ABCC5: variants seen among roughly 807,000 people sequenced by gnomAD.
The protein encoded by ABCC5 is ATP-binding cassette sub-family C member 5.
In ABCC5, 61 loss-of-function variants were observed where a neutral mutation model predicts 160.9. The ratio of observed to expected loss-of-function variants is 0.38; its 90% CI spans 0.31 to 0.47. ABCC5 has a LOEUF of 0.47. ABCC5 is among the 20% of genes least tolerant of loss of function. ABCC5 has a pLI of 0.99. For synonymous variants in ABCC5, 666 were observed against 700.6 expected (o/e 0.95, Z 0.78); for missense variants, 1,308 against 1,813.3 (o/e 0.72, Z 5.06).
intron 28 of ABCC5, 118 bp downstream of exon 28, chr3:183,927,212 T>G: frequency 1.0e-6 from 1 of 981,514 alleles, no homozygotes; most frequent in Non-Finnish European, 1.5e-6. Flanking sequence ...CTGGTCATGC[T>G]CTTAGAAAGT....
At chr3:183,935,161 G>T (rs1377218196) in intron 26 of ABCC5, among the ~76,000 whole-genome samples, 1 of 151,800 alleles carries the variant, frequency 6.6e-6, no homozygotes, top group African/African-American at 2.4e-5. Flanking sequence ...TTACAGGCAT[G>T]AGCCACCACG....
At chr3:183,958,086 T>A (rs1274523872) in intron 17 of ABCC5, among the ~76,000 whole-genome samples, 2 of 152,166 alleles carry the variant, frequency 1.3e-5, no homozygotes, top group Admixed American at 6.5e-5. Context: ...GTATATCACA[T>A]CTGGTACATG....
Position 183,921,009 on chromosome 3 carries a change from C to T in ABCC5, c.*291G>A, listed in dbSNP as rs144490627. 6 of 259,186 alleles carry T rather than the reference C, an allele frequency of 2.3e-5. No homozygotes were observed. Among genetic ancestry groups the T allele is most frequent in the East Asian group, 8.1e-5 (1 of 12,326 alleles). 16.1% of individuals were successfully genotyped at this position (259,186 alleles called of 1,614,324 possible). A position where few individuals can be genotyped will look rare whatever the true frequency, so the allele number is the denominator to read the frequency against. The stretch of plus-strand genomic sequence containing the variant: ...AGAATTATATATAGATATAGCTACA[C>T]GTATAAAGCTTCATTATAGGCCTCT... On this transcript the variant is annotated 3_prime_UTR_variant, in exon 30 of 30. Transcript: ENST00000334444. This position sits in a 1 kb window ranked among gnomAD's most constrained non-coding sequence, Gnocchi z 4.1.
intron 11 of ABCC5, 82 bp downstream of exon 11, chr3:183,971,481 A>T (rs1717737028): frequency 7.4e-7 from 1 of 1,343,204 alleles, no homozygotes; most frequent in Non-Finnish European, 1.0e-6. Context: ...ACTTTGTGAA[A>T]AGGAACAGCA....
intron 9 of ABCC5, 44 bp downstream of exon 9, chr3:183,978,459 T>C: frequency 1.3e-6 from 2 of 1,590,578 alleles, no homozygotes; most frequent in Non-Finnish European, 1.7e-6. Flanking sequence ...CTCCAGCAAA[T>C]GTGGTATTTC....
chr3:183,920,402 T>G lies in ABCC5; in HGVS notation c.*898A>C, dbSNP rs1375828849. ...GGCTCCAGGGCTTGGAACCAACAGG[T>G]CTTGGAGCTGGAGAGCTCTGTGCAG... On this transcript the variant is annotated 3_prime_UTR_variant, in exon 30 of 30. Transcript: ENST00000334444. This position sits in a 1 kb window ranked among gnomAD's most constrained non-coding sequence, Gnocchi z 4.1. 2 of 152,444 alleles carry G rather than the reference T, an allele frequency of 1.3e-5. No homozygotes were observed. Among genetic ancestry groups the G allele is most frequent in the African/African-American group, 4.8e-5 (2 of 41,376 alleles). The allele number at this position is 152,444 out of a possible 1,614,324, so 9.4% of individuals were successfully genotyped here.
intron 5 of ABCC5, chr3:183,984,600 A>T: frequency 1.4e-6 from 2 of 1,381,198 alleles, no homozygotes; most frequent in Non-Finnish European, 1.9e-6. Context: ...AAGTCCCAGG[A>T]AATAACCTGA....
rs749193417 is a variant in ABCC5, at chr3:183,977,624, C to T, written c.1297G>A (p.Ala433Thr). ...TLGFDLTAAQ[A>T]FTVVTVFNSM... ...TTGAAGACTGTCACCACTGTGAAAG[C>T]CTGAAAATAGGAGAAGAGAAGAAAC... is the stretch of plus-strand genomic sequence containing the variant. The change falls in exon 10 of 30, where the codon GCT becomes ACT. Residue 433 changes from alanine to threonine, a missense_variant and splice_region_variant. By Grantham distance (58) the Ala-to-Thr change is moderately conservative. Coordinates refer to ENST00000334444, the MANE Select transcript of ABCC5 (RefSeq NM_005688.4). The T allele has an allele frequency of 6.2e-7, 1 of 1,611,060 alleles. No homozygotes were observed. The highest frequency in any genetic ancestry group is 8.5e-7 in the Non-Finnish European group (1 of 1,177,658).
chr3:184,017,387 A>T lies in ABCC5; in HGVS notation c.-56+443T>A, dbSNP rs954708604. The T allele has an allele frequency of 2.0e-5, 3 of 152,222 alleles. No homozygotes were observed. The highest frequency in any genetic ancestry group is 7.2e-5 in the African/African-American group (3 of 41,448). The allele number at this position is 152,222 out of a possible 1,614,324, so 9.4% of individuals were successfully genotyped here. A position where few individuals can be genotyped will look rare whatever the true frequency, so the allele number is the denominator to read the frequency against. On this transcript the variant is annotated intron_variant, in intron 1 of 29. Transcript: ENST00000334444. This position sits in a 1 kb window ranked among gnomAD's most constrained non-coding sequence, Gnocchi z 4.5. ...CTGGCGGCTCCGCTGCGGGTTGAGC[A>T]GGGTGCCCCGAGCCACCCGCTGCAC...
chr3:183,946,692 G>A (rs1457884675), intron 23 of ABCC5, among the ~76,000 whole-genome samples: 2 of 151,412 alleles, frequency 1.3e-5, no homozygotes, highest in African/African-American at 4.9e-5. Context: ...GAAGCAAATC[G>A]CAGAGAGCTT....
intron 28 of ABCC5, among the ~76,000 whole-genome samples, chr3:183,926,804 T>C (rs1225861551): frequency 6.6e-6 from 1 of 151,852 alleles, no homozygotes; most frequent in Non-Finnish European, 1.5e-5. Context: ...CCCAGCACTT[T>C]GGGAGGCCAA....
chr3:184,015,489 C>T (rs1004615901), intron 1 of ABCC5, among the ~76,000 whole-genome samples: 1 of 152,178 alleles, frequency 6.6e-6, no homozygotes, highest in African/African-American at 2.4e-5. Context: ...AAAACTACTA[C>T]TTCTGCAGCA....
chr3:184,009,684 A>G (rs1457337258), intron 2 of ABCC5, among the ~76,000 whole-genome samples: 1 of 152,258 alleles, frequency 6.6e-6, no homozygotes, highest in Admixed American at 6.5e-5. Context: ...GTAGCGATGC[A>G]TTCATTTTAA....
At chr3:183,945,122 G>A (rs1466529039) in intron 24 of ABCC5, among the ~76,000 whole-genome samples, 1 of 152,182 alleles carries the variant, frequency 6.6e-6, no homozygotes, top group Non-Finnish European at 1.5e-5. Context: ...CCAGCCATGC[G>A]TCCTGTTAAG....
chr3:183,923,577 T>C (rs1011709601), intron 29 of ABCC5, among the ~76,000 whole-genome samples: 4 of 152,076 alleles, frequency 2.6e-5, no homozygotes, highest in Non-Finnish European at 4.4e-5. Flanking sequence ...GAGCCAAGAT[T>C]GCACCACTGT....
Position 183,965,443 on chromosome 3 carries a change from T to C in ABCC5, c.1892A>G (p.Gln631Arg), listed in dbSNP as rs1717129271. ...CAGAGTAGCATTGAGGATCCAGGCC[T>C]GCTGGGCCACATAAGCGAAGGTTCC... The part of the protein sequence containing the change: ...ISGTFAYVAQ[Q>R]AWILNATLRD... The change falls in exon 13 of 30, where the codon CAG becomes CGG. Residue 631 changes from glutamine (Q) to arginine (R), a missense_variant. This residue lies in a region of ABCC5 where 1,142 missense variants were observed against 1,527.1 expected (regional missense o/e 0.75). Transcript: ENST00000334444. 6.2e-7 allele frequency: 1 copy of C among 1,613,718 alleles called. No individual in the cohort carries two copies. The highest frequency in any genetic ancestry group is 1.7e-5 in the Admixed American group (1 of 60,004).
chr3:183,980,863 C>A (rs973391066), intron 8 of ABCC5, among the ~76,000 whole-genome samples: 1 of 152,034 alleles, frequency 6.6e-6, no homozygotes, highest in Non-Finnish European at 1.5e-5. Flanking sequence ...CAGGCATGCA[C>A]CACCACACCC....
intron 2 of ABCC5, among the ~76,000 whole-genome samples, chr3:183,994,375 C>T (rs1720063693): frequency 1.1e-5 from 1 of 90,766 alleles, no homozygotes. Flanking sequence ...TTGGTATTGG[C>T]ATTTTTTTTT....
chr3:183,996,571 G>T (rs979221286), intron 2 of ABCC5, among the ~76,000 whole-genome samples: 1 of 152,172 alleles, frequency 6.6e-6, no homozygotes, highest in Non-Finnish European at 1.5e-5. Context: ...AATGAAAGCT[G>T]CCAGGCAAGT....
Sources: gnomAD v4.1 joint callset for allele counts (sites outside exome capture counted in the v4.1 genomes callset) on GRCh38, gnomAD v4.1.1 for gene constraint, gnomAD v4.1.1 regional missense constraint, Gnocchi (gnomAD v3.1) non-coding constraint, MANE v1.5 for transcripts, NCBI Gene and HGNC (gene_info 2026-07-23, HGNC 2026-07-21) for gene names.